Variants in RNF212B observed in about 807,000 individuals in gnomAD.
The protein encoded by RNF212B is E3 ubiquitin-protein ligase RNF212B.
In RNF212B, 52 loss-of-function variants were observed where a neutral mutation model predicts 55.5. That is an observed-to-expected ratio of 0.94 (90% CI 0.75 to 1.18). The LOEUF is 1.18. RNF212B is among the 50% of genes most tolerant of loss of function. RNF212B has a pLI of 0.00. For missense variants in RNF212B, 289 were observed against 350.4 expected, an observed-to-expected ratio of 0.82 and a Z score of 1.40; for synonymous variants, 99 against 121.4, an observed-to-expected ratio of 0.82 and a Z score of 1.21.
chr14:23,247,678 A>G (rs578068870), intron 4 of RNF212B, among the ~76,000 whole-genome samples: 14 of 152,196 alleles, frequency 9.2e-5, no homozygotes, highest in Non-Finnish European at 1.9e-4. Context: ...ATTAGTCAAT[A>G]GACATTTGGG....
At chr14:23,190,991 T>C (rs1878063761) in intron 1 of RNF212B, among the ~76,000 whole-genome samples, 1 of 152,156 alleles carries the variant, frequency 6.6e-6, no homozygotes, top group Non-Finnish European at 1.5e-5. Context: ...GTCCTCCCTT[T>C]CTCACATCAT....
upstream of RNF212B, among the ~76,000 whole-genome samples, chr14:23,237,524 T>C (rs1883202940): frequency 2.0e-5 from 3 of 152,222 alleles, no homozygotes; most frequent in Admixed American, 2.0e-4. Flanking sequence ...TTTTTAAATT[T>C]TCCTGTTTCC....
chr14:23,265,064 G>A (rs1168438370), intron 11 of RNF212B, among the ~76,000 whole-genome samples: 8 of 152,086 alleles, frequency 5.3e-5, no homozygotes, highest in Non-Finnish European at 8.8e-5. Flanking sequence ...CAGGTGATCC[G>A]CCTTCCTCGG....
At chr14:23,228,835 T>C (rs540132414) in intron 2 of RNF212B, among the ~76,000 whole-genome samples, 4 of 152,232 alleles carry the variant, frequency 2.6e-5, no homozygotes, top group African/African-American at 7.2e-5. Context: ...TGAATATGTA[T>C]AGAACACTGA....
At chr14:23,234,949 C>T (rs577693365), upstream of RNF212B, among the ~76,000 whole-genome samples, 2 of 152,200 alleles carry the variant, frequency 1.3e-5, no homozygotes, top group South Asian at 2.1e-4. Flanking sequence ...TACGGTGGCT[C>T]ATACCTGTAA....
chr14:23,199,364 A>G (rs554109639), intron 2 of RNF212B, among the ~76,000 whole-genome samples: 2 of 152,260 alleles, frequency 1.3e-5, no homozygotes, highest in South Asian at 4.1e-4. Flanking sequence ...AGATTCTGTT[A>G]GCCTTTCCAA....
intron 1 of RNF212B, among the ~76,000 whole-genome samples, chr14:23,192,025 G>C (rs1878162750): frequency 6.6e-6 from 1 of 152,108 alleles, no homozygotes; most frequent in Non-Finnish European, 1.5e-5. Context: ...TAATTAAAAA[G>C]TTAGGAAACA....
chr14:23,270,564 GTAAGT>G, intron 13 of RNF212B, 31 bp from the exon 14 acceptor site: 1 of 1,489,638 alleles, frequency 6.7e-7, no homozygotes, highest in Non-Finnish European at 9.2e-7. Flanking sequence ...AACTGCCCAA[GTAAGT>G]TATCTTTCAC....
intron 2 of RNF212B, among the ~76,000 whole-genome samples, chr14:23,196,723 T>C (rs530751549): frequency 6.6e-6 from 1 of 152,348 alleles, no homozygotes; most frequent in African/African-American, 2.4e-5. Flanking sequence ...ATTACAGGCA[T>C]GAGCCACTGT....
At chr14:23,237,690 A>G (rs1220438365), upstream of RNF212B, among the ~76,000 whole-genome samples, 3 of 152,146 alleles carry the variant, frequency 2.0e-5, no homozygotes, top group African/African-American at 4.8e-5. Flanking sequence ...TTGTTTCCAC[A>G]GTAACATGTA....
At position 23,262,717 on chromosome 14, in the gene RNF212B, G is replaced by A; in HGVS notation, c.481+6G>A. ...TACTTCCCCATCACAGTCAGGTGGA[G>A]AACATTTTTCCCCTAAATATCTGTG... On this transcript the variant is annotated splice_donor_region_variant and intron_variant, in intron 8 of 14. Coordinates refer to ENST00000430154, the MANE Select transcript of RNF212B (RefSeq NM_001282322.3). The A allele has an allele frequency of 6.5e-7, 1 of 1,550,160 alleles. No homozygotes were observed. Among genetic ancestry groups the A allele is most frequent in the Non-Finnish European group, 8.7e-7 (1 of 1,146,724 alleles).
chr14:23,252,660 T>TG (rs1884501634), intron 4 of RNF212B, among the ~76,000 whole-genome samples: 1 of 152,024 alleles, frequency 6.6e-6, no homozygotes, highest in Non-Finnish European at 1.5e-5. Flanking sequence ...GATCATTGAT[T>TG]GGTTAAGGAA....
At chr14:23,225,143 A>T (rs565559564) in intron 2 of RNF212B, among the ~76,000 whole-genome samples, 2 of 152,288 alleles carry the variant, frequency 1.3e-5, no homozygotes, top group African/African-American at 4.8e-5. Flanking sequence ...TTTATTCAAA[A>T]GTCAGGCAAT....
chr14:23,254,143 G>A (rs182439821), intron 4 of RNF212B, among the ~76,000 whole-genome samples: 1 of 151,880 alleles, frequency 6.6e-6, no homozygotes, highest in Non-Finnish European at 1.5e-5. Context: ...AAATTAGAGG[G>A]GTATGGTGGC....
chr14:23,240,166 CT>C (rs557706049), intron 1 of RNF212B, among the ~76,000 whole-genome samples, 178 bp from the exon 2 acceptor site: 2 of 151,740 alleles, frequency 1.3e-5, no homozygotes, highest in South Asian at 2.1e-4. Flanking sequence ...AAGCAGTCTG[CT>C]TTTTTTTCAC....
intron 2 of RNF212B, 41 bp downstream of exon 2, chr14:23,240,486 T>C (rs765277284): frequency 7.4e-7 from 1 of 1,350,896 alleles, no homozygotes; most frequent in South Asian, 1.3e-5. Flanking sequence ...GAAAAATGTT[T>C]TCATGTAAGG....
At chr14:23,238,396 C>A (rs559790930) in intron 1 of RNF212B, among the ~76,000 whole-genome samples, 1 of 151,846 alleles carries the variant, frequency 6.6e-6, no homozygotes, top group Non-Finnish European at 1.5e-5. Context: ...GTAAATCTTA[C>A]GAAGTTTGTA....
intron 2 of RNF212B, among the ~76,000 whole-genome samples, chr14:23,199,303 G>A (rs115049677): frequency 4.0e-4 from 61 of 152,292 alleles, no homozygotes; most frequent in African/African-American, 1.4e-3. Flanking sequence ...GAAGTGGGGA[G>A]GAGGCTTCCA....
chr14:23,202,849 C>CAA (rs796329912), intron 2 of RNF212B, among the ~76,000 whole-genome samples: 1,120 of 63,336 alleles, frequency 0.018, 26 homozygotes, highest in African/African-American at 0.054. Flanking sequence ...GACCCTGTCT[C>CAA]AAAAAAAAAA....
Sources: gnomAD v4.1 joint callset for allele counts (sites outside exome capture counted in the v4.1 genomes callset) on GRCh38, gnomAD v4.1.1 for gene constraint, MANE v1.5 for transcripts, NCBI Gene and HGNC (gene_info 2026-07-23, HGNC 2026-07-21) for gene names.